Variants in TNIK observed in about 807,000 individuals in gnomAD.
TNIK encodes the protein TRAF2 and NCK interacting kinase.
Under a neutral mutation model 191.3 loss-of-function variants are expected in TNIK, and 49 were observed. That is an observed-to-expected ratio of 0.26 (90% CI 0.20 to 0.32). The LOEUF is 0.32. Ranked by LOEUF, TNIK falls within the 10% of genes least tolerant of loss-of-function variation. TNIK has a pLI of 1.00. For missense variants in TNIK, 1,155 were observed against 1,702.3 expected, an observed-to-expected ratio of 0.68 and a Z score of 5.66; for synonymous variants, 594 against 600.9, an observed-to-expected ratio of 0.99 and a Z score of 0.17.
At chr3:171,236,912 C>T (rs1406976561) in intron 2 of TNIK, among the ~76,000 whole-genome samples, 3 of 151,934 alleles carry the variant, frequency 2.0e-5, no homozygotes, top group Non-Finnish European at 4.4e-5. Flanking sequence ...TGGCTTTGGA[C>T]CACAGACACG....
chr3:171,434,871 TATC>T lies in TNIK; in HGVS notation c.57+25133_57+25135del, dbSNP rs374526335. 5.9e-5 allele frequency among the ~76,000 whole-genome samples: 9 copies of T among 152,344 alleles called. 1 individual carries two copies. The South Asian group carries it at 1.9e-3, about 32-fold the overall frequency. ...TATTATCTGATTCCTGACACCTTGATATCATCCCTCACTTTAAAAAGAACATGC... is the reference window on the plus strand; with the variant it reads ...TATTATCTGATTCCTGACACCTTGATATCCCTCACTTTAAAAAGAACATGC... On this transcript the variant is annotated intron_variant, in intron 1 of 32. Coordinates refer to ENST00000436636, the MANE Select transcript of TNIK (RefSeq NM_015028.4).
chr3:171,085,714 T>C (rs61791151), intron 24 of TNIK, among the ~76,000 whole-genome samples: 15,609 of 152,202 alleles, frequency 0.1, 924 homozygotes, highest in Middle Eastern at 0.16. Flanking sequence ...TCTGGCCTGG[T>C]GATGCAAGTG....
chr3:171,262,855 G>A (rs898280803), intron 2 of TNIK, among the ~76,000 whole-genome samples: 1 of 152,136 alleles, frequency 6.6e-6, no homozygotes, highest in Admixed American at 6.5e-5. Flanking sequence ...CAAGTGACTG[G>A]TTTAAGGGGT....
intron 2 of TNIK, 113 bp from the exon 3 acceptor site, chr3:171,228,334 G>C (rs914849734): frequency 9.9e-7 from 1 of 1,009,288 alleles, no homozygotes; most frequent in Non-Finnish European, 1.5e-6. Flanking sequence ...TCAATGGGGG[G>C]AGAGAGAAAG....
chr3:171,248,639 G>A (rs1156276478), intron 2 of TNIK, among the ~76,000 whole-genome samples: 15 of 152,130 alleles, frequency 9.9e-5, no homozygotes, highest in Admixed American at 9.8e-4. Flanking sequence ...CAAAGGCTGT[G>A]GTCTAAGATT....
intron 1 of TNIK, among the ~76,000 whole-genome samples, chr3:171,392,975 TA>T (rs947450224): frequency 4.8e-4 from 71 of 148,546 alleles, no homozygotes; most frequent in African/African-American, 1.6e-3. Flanking sequence ...CATTTTAAAA[TA>T]AAAAAAAAAT....
intron 2 of TNIK, among the ~76,000 whole-genome samples, chr3:171,274,292 A>G (rs1749457853): frequency 6.6e-6 from 1 of 152,210 alleles, no homozygotes. Flanking sequence ...GGAACATCAC[A>G]TGAAGCTACT....
At chr3:171,185,178 CGTGTGTGTGT>C (rs148499254) in intron 7 of TNIK, among the ~76,000 whole-genome samples, 1,765 of 145,936 alleles carry the variant, frequency 0.012, 36 homozygotes, top group African/African-American at 0.042. Flanking sequence ...ATAGATTTCC[CGTGTGTGTGT>C]GTGTGTGTGT....
At chr3:171,291,261 A>C (rs1159098050) in intron 2 of TNIK, among the ~76,000 whole-genome samples, 3 of 152,202 alleles carry the variant, frequency 2.0e-5, no homozygotes, top group African/African-American at 7.2e-5. Flanking sequence ...TATTAATCAT[A>C]TGCATTGTAA....
chr3:171,415,579 A>G (rs574670028), intron 1 of TNIK, among the ~76,000 whole-genome samples: 27 of 152,328 alleles, frequency 1.8e-4, no homozygotes, highest in African/African-American at 6.0e-4. Context: ...AAATTAGTGC[A>G]TGGATGGGAC....
chr3:171,242,566 G>A (rs1300064173), intron 2 of TNIK, among the ~76,000 whole-genome samples: 2 of 151,692 alleles, frequency 1.3e-5, no homozygotes, highest in Non-Finnish European at 1.5e-5. Context: ...AACATTAATG[G>A]TTTATTTCAC....
chr3:171,234,759 C>T (rs910258217), intron 2 of TNIK, among the ~76,000 whole-genome samples: 5 of 152,292 alleles, frequency 3.3e-5, no homozygotes, highest in African/African-American at 7.2e-5. Context: ...ATGCAGATTC[C>T]GTGGCAGGGA....
chr3:171,262,234 TAAAAC>T (rs1394845147), intron 2 of TNIK, among the ~76,000 whole-genome samples: 1 of 152,152 alleles, frequency 6.6e-6, no homozygotes, highest in Non-Finnish European at 1.5e-5. Context: ...ACCTTTTTAA[TAAAAC>T]AACCAGATTT....
chr3:171,091,976 G>A (rs1462922807), intron 23 of TNIK, among the ~76,000 whole-genome samples: 13 of 148,630 alleles, frequency 8.7e-5, no homozygotes, highest in Non-Finnish European at 1.8e-4. Flanking sequence ...TTAAGACAGA[G>A]TCTCGTTCTG....
chr3:171,123,763 G>A, intron 17 of TNIK, 61 bp from the exon 18 acceptor site: 1 of 1,293,604 alleles, frequency 7.7e-7, no homozygotes, highest in Non-Finnish European at 1.1e-6. Flanking sequence ...CCTGTTGTCA[G>A]AAAATCCTCC....
intron 2 of TNIK, among the ~76,000 whole-genome samples, chr3:171,312,937 A>G (rs763760608): frequency 4.6e-5 from 7 of 152,126 alleles, no homozygotes; most frequent in Admixed American, 3.9e-4. Context: ...ACAGCGTGCC[A>G]TTTAATGTAC....
chr3:171,238,746 A>T (rs535844353), intron 2 of TNIK, among the ~76,000 whole-genome samples: 1 of 152,362 alleles, frequency 6.6e-6, no homozygotes, highest in Admixed American at 6.5e-5. Flanking sequence ...TGCAATAGGC[A>T]CTAATACTAC....
intron 2 of TNIK, among the ~76,000 whole-genome samples, chr3:171,319,462 C>T (rs1337091717): frequency 6.6e-6 from 1 of 152,016 alleles, no homozygotes; most frequent in Non-Finnish European, 1.5e-5. Context: ...TAAAACATGC[C>T]TTAACCATCC....
intron 18 of TNIK, among the ~76,000 whole-genome samples, chr3:171,114,879 A>G (rs1166010286): frequency 6.6e-6 from 1 of 152,254 alleles, no homozygotes; most frequent in African/African-American, 2.4e-5. Flanking sequence ...GTCTAAAATG[A>G]TAAATGTGTA....
Sources: gnomAD v4.1 joint callset for allele counts (sites outside exome capture counted in the v4.1 genomes callset) on GRCh38, gnomAD v4.1.1 for gene constraint, MANE v1.5 for transcripts, NCBI Gene and HGNC (gene_info 2026-07-23, HGNC 2026-07-21) for gene names.